MAGI2: variants seen among roughly 807,000 people sequenced by gnomAD.
The protein encoded by MAGI2 is membrane associated guanylate kinase, WW and PDZ domain containing 2, also known as membrane-associated guanylate kinase, WW and PDZ domain-containing protein 2.
Under a neutral mutation model 133.3 loss-of-function variants are expected in MAGI2, and 35 were observed. The ratio of observed to expected loss-of-function variants is 0.26; its 90% confidence interval spans 0.20 to 0.35. The LOEUF is 0.35. MAGI2 is among the 10% of genes least tolerant of loss of function. MAGI2 has a pLI of 1.00. For synonymous variants in MAGI2, 729 were observed against 710.6 expected, an observed-to-expected ratio of 1.03 and a Z score of -0.41; for missense variants, 1,636 against 1,863.4, an observed-to-expected ratio of 0.88 and a Z score of 2.25.
chr7:78,695,699 A>G (rs1817437570), intron 2 of MAGI2, among the ~76,000 whole-genome samples: 1 of 152,208 alleles, frequency 6.6e-6, no homozygotes. Context: ...ATGGTCATCT[A>G]AGAAAAGGAG....
chr7:79,243,089 G>A lies in MAGI2; in HGVS notation c.301+209931C>T, dbSNP rs752841588. 7.2e-5 allele frequency among the ~76,000 whole-genome samples: 11 copies of A among 151,906 alleles called. No individual in the cohort carries two copies. The East Asian group carries it at 9.7e-4, about 13-fold the overall frequency. ...AAATTAGCTGGGCATGGTTGTGCACGCCTGTAATCCCGGGCAACAGAGCAA... is the reference window on the plus strand; with the variant it reads ...AAATTAGCTGGGCATGGTTGTGCACACCTGTAATCCCGGGCAACAGAGCAA... On this transcript the variant is annotated intron_variant, in intron 1 of 21. Transcript: ENST00000354212.
intron 6 of MAGI2, among the ~76,000 whole-genome samples, chr7:78,381,229 C>T (rs1442587061): frequency 6.6e-6 from 1 of 152,114 alleles, no homozygotes; most frequent in African/African-American, 2.4e-5. Flanking sequence ...CATCTGTAAT[C>T]TCAGCTACTC....
chr7:78,458,494 G>T (rs1789586913), intron 6 of MAGI2, among the ~76,000 whole-genome samples: 1 of 151,918 alleles, frequency 6.6e-6, no homozygotes, highest in Non-Finnish European at 1.5e-5. Flanking sequence ...GTTTATGGGT[G>T]TGTGCATATA....
chr7:78,217,549 G>A (rs1333948544), intron 10 of MAGI2, among the ~76,000 whole-genome samples: 1 of 152,186 alleles, frequency 6.6e-6, no homozygotes, highest in East Asian at 1.9e-4. Flanking sequence ...TGAAATCTGT[G>A]TGAAGGAGGC....
At position 78,503,555 on chromosome 7, in the gene MAGI2, TCTCCCCCTCCCC is replaced by T. The variant is rs1156325567; in HGVS notation, c.755-1780_755-1769del. Reference sequence around the variant, plus strand: ...ATTTCCCCTGCTTGCACTCACTCCATCTCCCCCTCCCCCTCCTCCTCCCCCTCCTCCTCCTCC... The same window carrying T: ...ATTTCCCCTGCTTGCACTCACTCCATCTCCTCCTCCCCCTCCTCCTCCTCC... On this transcript the variant is annotated intron_variant, in intron 4 of 21. Transcript: ENST00000354212. Among the ~76,000 whole-genome samples the T allele has an allele frequency of 8.4e-4, 38 of 45,494 alleles. 1 individual carries two copies. The highest frequency in any genetic ancestry group is 6.9e-3 in the East Asian group (7 of 1,010). The allele number at this position is 45,494 out of a possible 152,430, so 29.8% of individuals were successfully genotyped here.
intron 2 of MAGI2, among the ~76,000 whole-genome samples, chr7:78,660,247 T>C (rs1318942648): frequency 6.6e-6 from 1 of 152,046 alleles, no homozygotes; most frequent in East Asian, 1.9e-4. Flanking sequence ...GTTGTACACA[T>C]GTACCCTAGA....
chr7:78,456,965 G>A (rs73372320), intron 6 of MAGI2: 2 of 152,184 alleles, frequency 1.3e-5, no homozygotes, highest in African/African-American at 4.8e-5. Context: ...ATCTGTAAGA[G>A]ACATACATTT....
At chr7:78,565,082 G>T (rs113442085) in intron 3 of MAGI2, among the ~76,000 whole-genome samples, 5 of 151,626 alleles carry the variant, frequency 3.3e-5, no homozygotes, top group Admixed American at 6.6e-5. Flanking sequence ...TGTGAGCACC[G>T]CGCCCGGCCT....
chr7:78,948,651 T>C (rs1271282886), intron 2 of MAGI2, among the ~76,000 whole-genome samples: 2 of 152,146 alleles, frequency 1.3e-5, no homozygotes, highest in Non-Finnish European at 2.9e-5. Flanking sequence ...AATGAGTTAT[T>C]ATTTGTACAT....
chr7:79,317,147 T>C (rs150145297), intron 1 of MAGI2, among the ~76,000 whole-genome samples: 1 of 151,622 alleles, frequency 6.6e-6, no homozygotes, highest in African/African-American at 2.4e-5. Context: ...CTCAGCCTCC[T>C]GAGTAGCTAG....
chr7:78,274,965 G>A (rs1302604158), intron 9 of MAGI2, among the ~76,000 whole-genome samples: 2 of 151,718 alleles, frequency 1.3e-5, no homozygotes, highest in African/African-American at 4.8e-5. Flanking sequence ...GTTCTGTCTT[G>A]CTGGTGTTCC....
chr7:78,648,464 T>A (rs1352662601), intron 2 of MAGI2, among the ~76,000 whole-genome samples: 26 of 152,222 alleles, frequency 1.7e-4, no homozygotes, highest in Admixed American at 1.6e-3. Context: ...ATATTGTTGA[T>A]CCTTATGATT....
intron 2 of MAGI2, among the ~76,000 whole-genome samples, chr7:78,811,254 T>C (rs1359494206): frequency 1.3e-5 from 2 of 152,094 alleles, no homozygotes; most frequent in Non-Finnish European, 2.9e-5. Context: ...CAAATAAATA[T>C]GCTGTTTGCT....
At position 78,489,904 on chromosome 7, in the gene MAGI2, G is replaced by GAA. The variant is rs3086374; in HGVS notation, c.966-66_966-65dup. On this transcript the variant is annotated intron_variant, in intron 5 of 21. Transcript: ENST00000354212. ...AAAAGGAATCAAGTTTATTCCTTAA[G>GAA]AAAAAAAAAGCAGGGTTAGTCCAAC... 0.49 allele frequency: 504,577 copies of GAA among 1,028,046 alleles called. 79,519 individuals are homozygous for GAA. Among genetic ancestry groups the GAA allele is most frequent in the East Asian group, 0.6 (23,254 of 38,684 alleles). 63.7% of individuals were successfully genotyped at this position (1,028,046 alleles called of 1,614,324 possible). A position where few individuals can be genotyped will look rare whatever the true frequency, so the allele number is the denominator to read the frequency against.
intron 2 of MAGI2, among the ~76,000 whole-genome samples, chr7:78,796,537 G>A (rs1278478421): frequency 4.6e-5 from 7 of 152,128 alleles, no homozygotes. Flanking sequence ...ACTGTTGGTG[G>A]GAATGTAATG....
chr7:78,172,820 C>T (rs1185544687), intron 14 of MAGI2, among the ~76,000 whole-genome samples: 1 of 152,150 alleles, frequency 6.6e-6, no homozygotes, highest in East Asian at 1.9e-4. Flanking sequence ...TGTTTGTTAT[C>T]TCTGGACTTA....
chr7:79,421,782 G>T (rs1261310767), intron 1 of MAGI2, among the ~76,000 whole-genome samples: 1 of 151,926 alleles, frequency 6.6e-6, no homozygotes, highest in Non-Finnish European at 1.5e-5. Flanking sequence ...AGTTTTAATG[G>T]CTATACACTT....
chr7:79,059,373 G>A (rs370859278), intron 1 of MAGI2, among the ~76,000 whole-genome samples: 11 of 152,084 alleles, frequency 7.2e-5, no homozygotes, highest in African/African-American at 2.2e-4. Context: ...TTTTGCTGAG[G>A]TGAATGGACT....
chr7:78,489,891 G>C, intron 5 of MAGI2, 51 bp from the exon 6 acceptor site: 2 of 1,260,180 alleles, frequency 1.6e-6, no homozygotes, highest in Non-Finnish European at 2.2e-6. Flanking sequence ...AAGGAATCAA[G>C]TTTATTCCTT....
Sources: allele counts gnomAD v4.1 joint callset (sites outside exome capture counted in the v4.1 genomes callset), GRCh38; gene constraint gnomAD v4.1.1; transcripts MANE v1.5; gene names NCBI Gene and HGNC (gene_info 2026-07-23, HGNC 2026-07-21).